The following DYNC2H1 variants were observed in gnomAD, a reference collection of about 807,000 sequenced individuals.
DYNC2H1 encodes dynein cytoplasmic 2 heavy chain 1.
A neutral mutation model predicts 570.0 loss-of-function variants in DYNC2H1; 410 were observed. The observed-to-expected ratio is 0.72, with a 90% confidence interval of 0.66 to 0.78. The LOEUF (loss-of-function observed/expected upper bound fraction) is 0.78, where lower values mean the gene tolerates loss of function less well. DYNC2H1 is among the 30% of genes least tolerant of loss of function. The pLI is 0.00. For synonymous variants in DYNC2H1, 1,688 were observed against 1,677.6 expected (o/e 1.01, Z -0.15); for missense variants, 4,865 against 5,046.4 (o/e 0.96, Z 1.09).
At chr11:103,362,320 C>CTTTTTT (rs879453459) in intron 83 of DYNC2H1, among the ~76,000 whole-genome samples, 7 of 71,568 alleles carry the variant, frequency 9.8e-5, no homozygotes, top group East Asian at 5.1e-4. Context: ...TAATTTTTTT[C>CTTTTTT]TTTTTTTTTT....
Position 103,372,166 on chromosome 11 carries a change from G to A in DYNC2H1, c.12156+13807G>A, listed in dbSNP as rs185139181. Reference sequence around the variant, plus strand: ...GCAATTCTCATGCTTCAGCCTCCGAGTAGCTGGGATGCACCACCATGCCTG... The same window carrying A: ...GCAATTCTCATGCTTCAGCCTCCGAATAGCTGGGATGCACCACCATGCCTG... On this transcript the variant is annotated intron_variant, in intron 83 of 88. Coordinates refer to ENST00000375735, the MANE Select transcript of DYNC2H1 (RefSeq NM_001377.3). Among the ~76,000 whole-genome samples, 9 of 149,872 alleles carry A rather than the reference G, an allele frequency of 6.0e-5. No homozygotes were observed. The East Asian group carries it at 1.8e-3, about 30-fold the overall frequency.
rs1322412776 is a variant in DYNC2H1 at position 103,133,888 on chromosome 11, G to A, written c.2106+181G>A. Among the ~76,000 whole-genome samples, 2 of 152,008 alleles carry A rather than the reference G, an allele frequency of 1.3e-5. No homozygotes were observed. The highest frequency in any genetic ancestry group is 2.9e-5 in the Non-Finnish European group (2 of 67,998). On this transcript the variant is annotated intron_variant, in intron 14 of 88. Transcript: ENST00000375735. This position sits in a 1 kb window ranked among gnomAD's most constrained non-coding sequence, Gnocchi z 4.8. ...GTTGTTAACAACTTATATAACCGGAGTAGTTATCAAAACCAGGAAAAAGAC... is the reference window on the plus strand; with the variant it reads ...GTTGTTAACAACTTATATAACCGGAATAGTTATCAAAACCAGGAAAAAGAC...
At chr11:103,471,517 G>T (rs1945384858) in intron 88 of DYNC2H1, among the ~76,000 whole-genome samples, 1 of 152,148 alleles carries the variant, frequency 6.6e-6, no homozygotes. Flanking sequence ...TGTTTCTGTA[G>T]GATCATGTTG....
At chr11:103,216,764 A>G (rs1458040508) in intron 55 of DYNC2H1, among the ~76,000 whole-genome samples, 1 of 150,588 alleles carries the variant, frequency 6.6e-6, no homozygotes, top group Non-Finnish European at 1.5e-5. Flanking sequence ...ACTGCTCTCC[A>G]GCCTGAGTGA....
chr11:103,467,449 G>C (rs1378464134), intron 87 of DYNC2H1, among the ~76,000 whole-genome samples: 2 of 152,140 alleles, frequency 1.3e-5, no homozygotes, highest in African/African-American at 4.8e-5. Flanking sequence ...TTCCAATTTA[G>C]TGTTCCCTTC....
At chr11:103,467,873 C>T (rs1945244405) in intron 87 of DYNC2H1, among the ~76,000 whole-genome samples, 1 of 152,096 alleles carries the variant, frequency 6.6e-6, no homozygotes, top group Non-Finnish European at 1.5e-5. Flanking sequence ...TATTTTGTAC[C>T]AAGTTCAAAT....
intron 80 of DYNC2H1, 75 bp downstream of exon 80, chr11:103,316,695 C>G (rs1937865989): frequency 8.4e-7 from 1 of 1,186,442 alleles, no homozygotes; most frequent in Non-Finnish European, 1.1e-6. Context: ...ATGTTTTCTT[C>G]AGAAGTGGCT....
intron 55 of DYNC2H1, among the ~76,000 whole-genome samples, chr11:103,219,163 T>C (rs1430977653): frequency 1.3e-5 from 2 of 152,198 alleles, no homozygotes; most frequent in Admixed American, 6.5e-5. Flanking sequence ...GAAGCTGAAG[T>C]TGGGGGGACC....
At chr11:103,309,166 C>CTTTTTTTT (rs1274431520) in intron 78 of DYNC2H1, among the ~76,000 whole-genome samples, 5 of 56,536 alleles carry the variant, frequency 8.8e-5, no homozygotes, top group East Asian at 9.3e-4. Context: ...TAACTGCATG[C>CTTTTTTTT]TATTTTTTTT....
rs1324652811 is a variant in DYNC2H1 at position 103,319,069 on chromosome 11, A to G, written c.11726-1960A>G. ...TGAATATTTATTTGACTTTTATAATACCACTATGAGGCTATTAGTGTTAGT... is the reference window on the plus strand; with the variant it reads ...TGAATATTTATTTGACTTTTATAATGCCACTATGAGGCTATTAGTGTTAGT... On this transcript the variant is annotated intron_variant, in intron 80 of 88. Coordinates refer to ENST00000375735, the MANE Select transcript of DYNC2H1 (RefSeq NM_001377.3). This position sits in a 1 kb window ranked among gnomAD's most constrained non-coding sequence, Gnocchi z 4.3. Among the ~76,000 whole-genome samples, 1 of 152,106 alleles carries G rather than the reference A, an allele frequency of 6.6e-6. No homozygotes were observed. Among genetic ancestry groups the G allele is most frequent in the Non-Finnish European group, 1.5e-5 (1 of 67,972 alleles).
At chr11:103,284,693 A>G (rs536557029) in intron 73 of DYNC2H1, among the ~76,000 whole-genome samples, 19 of 152,246 alleles carry the variant, frequency 1.2e-4, no homozygotes, top group Non-Finnish European at 2.6e-4. Context: ...TTTAAGTTAC[A>G]TAATGAAATT....
chr11:103,341,577 A>G (rs138829577), intron 82 of DYNC2H1, among the ~76,000 whole-genome samples: 1 of 152,230 alleles, frequency 6.6e-6, no homozygotes, highest in Non-Finnish European at 1.5e-5. Context: ...TTTTTTTACA[A>G]ACTTTTGGGG....
Position 103,220,305 on chromosome 11 carries a change from A to T in DYNC2H1, c.8946+277A>T, listed in dbSNP as rs558822591. On this transcript the variant is annotated intron_variant, in intron 56 of 88. Coordinates refer to ENST00000375735, the MANE Select transcript of DYNC2H1 (RefSeq NM_001377.3). ...GTTAGATAAATTAAGATATACTGTT[A>T]AGCTCTTTTTCTCCAGTTGATTAAA... Among the ~76,000 whole-genome samples the T allele has an allele frequency of 2.5e-3, 381 of 152,318 alleles. 9 individuals carry two copies. Among genetic ancestry groups the T allele is most frequent in the Non-Finnish European group, 3.2e-3 (219 of 68,006 alleles).
At chr11:103,162,258 T>C (rs1861125327) in intron 29 of DYNC2H1, among the ~76,000 whole-genome samples, 1 of 152,062 alleles carries the variant, frequency 6.6e-6, no homozygotes, top group Admixed American at 6.6e-5. Flanking sequence ...TTGATGCTAT[T>C]TTCAATACTG....
chr11:103,303,368 G>T (rs764089321), intron 76 of DYNC2H1, 115 bp downstream of exon 76: 7 of 1,136,808 alleles, frequency 6.2e-6, no homozygotes, highest in Non-Finnish European at 8.6e-6. Context: ...CCCCAAAAAT[G>T]TCTATGTCCT....
chr11:103,174,377 C>T (rs1383618583), intron 36 of DYNC2H1, among the ~76,000 whole-genome samples: 2 of 152,094 alleles, frequency 1.3e-5, no homozygotes, highest in African/African-American at 4.8e-5. Flanking sequence ...TGTTTTTAAA[C>T]TAAATTTCCT....
At position 103,402,268 on chromosome 11, in the gene DYNC2H1, GCTAGA is replaced by G. The variant is rs569453770; in HGVS notation, c.12366+2402_12366+2406del. 16 of 152,282 alleles carry G rather than the reference GCTAGA, an allele frequency of 1.1e-4. No individual in the cohort carries two copies. In the East Asian group the frequency reaches 2.9e-3, roughly 28 times the overall value. 9.4% of individuals were successfully genotyped at this position (152,282 alleles called of 1,614,324 possible). On this transcript the variant is annotated intron_variant, in intron 84 of 88. Coordinates refer to ENST00000375735, the MANE Select transcript of DYNC2H1 (RefSeq NM_001377.3). ...ACGTCCCCCTAATTCTGGTGTAGGA[GCTAGA>G]CTAGAGTGGTAAAATGCCCTGAAGA...
chr11:103,423,641 A>G (rs4754934), intron 84 of DYNC2H1, among the ~76,000 whole-genome samples: 22,087 of 151,862 alleles, frequency 0.15, 1,810 homozygotes, highest in Admixed American at 0.24. Flanking sequence ...GACACTTATA[A>G]AAATGAAAAG....
chr11:103,250,888 A>G (rs568520821), intron 65 of DYNC2H1, among the ~76,000 whole-genome samples: 2 of 152,100 alleles, frequency 1.3e-5, no homozygotes, highest in South Asian at 4.1e-4. Flanking sequence ...CCATTTAGTC[A>G]TAGAACTTAT....
Sources: allele counts gnomAD v4.1 joint callset (sites outside exome capture counted in the v4.1 genomes callset), GRCh38; gene constraint gnomAD v4.1.1; non-coding constraint Gnocchi (gnomAD v3.1); transcripts MANE v1.5; gene names NCBI Gene and HGNC (gene_info 2026-07-23, HGNC 2026-07-21).